The following GTPBP2 variants were observed in gnomAD, a reference collection of about 807,000 sequenced individuals.
GTPBP2 encodes the protein GTP-binding protein 2.
Under a neutral mutation model 63.0 loss-of-function variants are expected in GTPBP2, and 32 were observed. That is an observed-to-expected ratio of 0.51 (90% CI 0.38 to 0.68). The LOEUF is 0.68. GTPBP2 is among the 30% of genes least tolerant of loss of function. GTPBP2 has a pLI of 0.00. For missense variants in GTPBP2, 492 were observed against 796.9 expected (o/e 0.62, Z 4.61); for synonymous variants, 310 against 322.6 (o/e 0.96, Z 0.42).
Position 43,625,963 on chromosome 6 carries a change from C to T in GTPBP2, c.399-99G>A, listed in dbSNP as rs905415084. On this transcript the variant is annotated intron_variant, in intron 3 of 11. Coordinates refer to ENST00000307126, the MANE Select transcript of GTPBP2 (RefSeq NM_019096.5). The surrounding 1 kb of genome is among the most constrained non-coding windows in gnomAD (Gnocchi z 5.1). ...ACTTCCTGCACCTCCCACAGAGCTC[C>T]CAATACCTTAGTGCACTTCCTACCA... 2.2e-6 allele frequency: 2 copies of T among 919,552 alleles called. No homozygotes were observed. The highest frequency in any genetic ancestry group is 3.6e-6 in the Non-Finnish European group (2 of 559,020). 57.0% of individuals were successfully genotyped at this position (919,552 alleles called of 1,614,324 possible). A position where few individuals can be genotyped will look rare whatever the true frequency, so the allele number is the denominator to read the frequency against.
chr6:43,622,837 G>C lies in GTPBP2; in HGVS notation c.1296-33C>G. ...CCAGAGGGCAGGTGGCACAGTGTCA[G>C]CCAAGGTCCCCATACCTACTTCTCT... On this transcript the variant is annotated intron_variant, in intron 9 of 11. Coordinates refer to ENST00000307126, the MANE Select transcript of GTPBP2 (RefSeq NM_019096.5). This position sits in a 1 kb window ranked among gnomAD's most constrained non-coding sequence, Gnocchi z 5.4. 1 of 1,558,708 alleles carries C rather than the reference G, an allele frequency of 6.4e-7. No homozygotes were observed.
chr6:43,629,276 C>T, upstream of GTPBP2: 1 of 776,828 alleles, frequency 1.3e-6, no homozygotes, highest in Non-Finnish European at 1.9e-6. Context: ...GGGTGGGGCT[C>T]TGCACAAGCT....
chr6:43,622,611 C>T lies in GTPBP2; in HGVS notation c.1467+22G>A. The T allele has an allele frequency of 6.3e-7, 1 of 1,598,470 alleles. No homozygotes were observed. Among genetic ancestry groups the T allele is most frequent in the East Asian group, 2.3e-5 (1 of 44,434 alleles). On this transcript the variant is annotated intron_variant, in intron 10 of 11. Coordinates refer to ENST00000307126, the MANE Select transcript of GTPBP2 (RefSeq NM_019096.5). This position sits in a 1 kb window ranked among gnomAD's most constrained non-coding sequence, Gnocchi z 5.4. The stretch of plus-strand genomic sequence containing the variant: ...AGGCACTTCTCTTAGCGTTCCCTCC[C>T]CAACCCATGCACCCACCTCACCTTG...
chr6:43,624,625 T>A lies in GTPBP2; in HGVS notation c.985A>T (p.Thr329Ser). ...AGGACCCGCTCCAGCTGGCGTACTGTCCTCTCCACTGTGGTCTTGGCACAT... is the reference window on the plus strand; with the variant it reads ...AGGACCCGCTCCAGCTGGCGTACTGACCTCTCCACTGTGGTCTTGGCACAT... ...DLCAKTTVER[T>S]VRQLERVLKQ... is the part of the protein sequence containing the mutation. The change falls in exon 7 of 12, where the codon ACA becomes TCA. Residue 329 changes from threonine to serine, a missense_variant. By Grantham distance (58) the Thr-to-Ser change is moderately conservative. Transcript: ENST00000307126. The surrounding 1 kb of genome is among the most constrained non-coding windows in gnomAD (Gnocchi z 5.1). 6.2e-7 allele frequency: 1 copy of A among 1,614,116 alleles called. No homozygotes were observed.
In GTPBP2 at chr6:43,624,797, G is replaced by A; in HGVS notation, c.881-68C>T. The stretch of plus-strand genomic sequence containing the variant: ...ATGCAGGAGGGAGGAGAGGGAAGAA[G>A]AGGAGCATTGGTCTGTCTCCAAGAT... On this transcript the variant is annotated intron_variant, in intron 6 of 11. Coordinates refer to ENST00000307126, the MANE Select transcript of GTPBP2 (RefSeq NM_019096.5). This position sits in a 1 kb window ranked among gnomAD's most constrained non-coding sequence, Gnocchi z 5.1. 3 of 1,583,506 alleles carry A rather than the reference G, an allele frequency of 1.9e-6. No homozygotes were observed. The highest frequency in any genetic ancestry group is 2.6e-6 in the Non-Finnish European group (3 of 1,153,064).
In GTPBP2 at chr6:43,621,383, C is replaced by T; in HGVS notation, c.*231G>A. 2 of 1,508,598 alleles carry T rather than the reference C, an allele frequency of 1.3e-6. No homozygotes were observed. The highest frequency in any genetic ancestry group is 1.8e-6 in the Non-Finnish European group (2 of 1,118,940). The allele number at this position is 1,508,598 out of a possible 1,614,324, so 93.5% of individuals were successfully genotyped here. ...AGGTTTGATGAGCCAACCAGGTGAGCACACAGCTTCGGAGCACTGCCCTGA... is the reference window on the plus strand; with the variant it reads ...AGGTTTGATGAGCCAACCAGGTGAGTACACAGCTTCGGAGCACTGCCCTGA... On this transcript the variant is annotated 3_prime_UTR_variant, in exon 12 of 12. Coordinates refer to ENST00000307126, the MANE Select transcript of GTPBP2 (RefSeq NM_019096.5).
At chr6:43,628,498 G>A in intron 1 of GTPBP2, 1 of 866,602 alleles carries the variant, frequency 1.2e-6, no homozygotes, top group Non-Finnish European at 1.4e-6. Flanking sequence ...GTGTGTGTGT[G>A]TGTGTGTAGT....
chr6:43,624,466 C>T lies in GTPBP2; in HGVS notation c.1100+44G>A. 7.1e-7 allele frequency: 1 copy of T among 1,415,432 alleles called. No individual in the cohort carries two copies. The highest frequency in any genetic ancestry group is 1.1e-5 in the South Asian group (1 of 87,152). 87.7% of individuals were successfully genotyped at this position (1,415,432 alleles called of 1,614,324 possible). A position where few individuals can be genotyped will look rare whatever the true frequency, so the allele number is the denominator to read the frequency against. On this transcript the variant is annotated intron_variant, in intron 7 of 11. Coordinates refer to ENST00000307126, the MANE Select transcript of GTPBP2 (RefSeq NM_019096.5). The surrounding 1 kb of genome is among the most constrained non-coding windows in gnomAD (Gnocchi z 5.1). Reference sequence around the variant, plus strand: ...TGCTTCTGGGCCCTGGGCTCTGTGGCAGCCTTCCTAGTGGATCAGGGCTTT... The same window carrying T: ...TGCTTCTGGGCCCTGGGCTCTGTGGTAGCCTTCCTAGTGGATCAGGGCTTT...
intron 9 of GTPBP2, chr6:43,623,399 A>G (rs1281509099): frequency 3.6e-6 from 1 of 280,164 alleles, no homozygotes; most frequent in Non-Finnish European, 6.7e-6. Context: ...CAAAAAAAAG[A>G]AAGAAAGAAA....
rs370688697 is a variant in GTPBP2 at position 43,623,908 on chromosome 6, A to G, written c.1236+25T>C. 16 of 1,613,524 alleles carry G rather than the reference A, an allele frequency of 9.9e-6. No homozygotes were observed. In the African/African-American group the frequency reaches 1.5e-4, roughly 15 times the overall value. ...GCAGCCCCTCCCTGTTTCCCAGCCTATTAGATGTTTGGGCAGTCAACTACC... is the reference window on the plus strand; with the variant it reads ...GCAGCCCCTCCCTGTTTCCCAGCCTGTTAGATGTTTGGGCAGTCAACTACC... On this transcript the variant is annotated intron_variant, in intron 8 of 11. Transcript: ENST00000307126.
chr6:43,630,906 C>T (rs1227422708), upstream of GTPBP2, among the ~76,000 whole-genome samples: 1 of 88,862 alleles, frequency 1.1e-5, no homozygotes, highest in Non-Finnish European at 1.9e-5. Context: ...GAGACTTCGT[C>T]TCAAAAAAAA....
intron 1 of GTPBP2, among the ~76,000 whole-genome samples, chr6:43,628,114 A>G (rs1769534116): frequency 6.6e-6 from 1 of 152,256 alleles, no homozygotes; most frequent in African/African-American, 2.4e-5. Flanking sequence ...CTGCAATCCC[A>G]GCACTTTGGG....
upstream of GTPBP2, chr6:43,629,867 C>T (rs560591243): frequency 1.1e-5 from 16 of 1,406,752 alleles, 1 homozygote; most frequent in South Asian, 2.1e-4. Flanking sequence ...ATAGTAGTCA[C>T]TGCTTTATTA....
In GTPBP2 at chr6:43,626,299, T is replaced by G; in HGVS notation, c.325A>C (p.Asn109His). 1 of 1,614,208 alleles carries G rather than the reference T, an allele frequency of 6.2e-7. No homozygotes were observed. Among genetic ancestry groups the G allele is most frequent in the Non-Finnish European group, 8.5e-7 (1 of 1,180,024 alleles). Reference protein sequence around the residue: ...EAVYQIGVEDNGLLVGLAEEE... With the variant: ...EAVYQIGVEDHGLLVGLAEEE... ...TCAGCCAGCCCCACCAGCAGCCCAT[T>G]GTCCTCTACCCCAATCTGGTAGACG... Residue 109 changes from asparagine (N) to histidine (H), a missense_variant, in exon 3 of 12, where the codon AAT becomes CAT. Physicochemically the swap from Asn to His is moderately conservative, Grantham distance 68. Coordinates refer to ENST00000307126, the MANE Select transcript of GTPBP2 (RefSeq NM_019096.5). The surrounding 1 kb of genome is among the most constrained non-coding windows in gnomAD (Gnocchi z 4.0).
Position 43,621,355 on chromosome 6 carries a change from GC to G in GTPBP2, c.*258del. The stretch of plus-strand genomic sequence containing the variant: ...GCTCCGGCAGACAGGCCACAGGGTT[GC>G]CAGGTTTGATGAGCCAACCAGGTGA... On this transcript the variant is annotated 3_prime_UTR_variant, in exon 12 of 12. Coordinates refer to ENST00000307126, the MANE Select transcript of GTPBP2 (RefSeq NM_019096.5). 7.1e-7 allele frequency: 1 copy of G among 1,404,110 alleles called. No individual in the cohort carries two copies. 87.0% of individuals were successfully genotyped at this position (1,404,110 alleles called of 1,614,324 possible).
Position 43,625,897 on chromosome 6 carries a change from ACCTGT to A in GTPBP2, c.399-38_399-34del. The A allele has an allele frequency of 6.7e-7, 1 of 1,503,452 alleles. No individual in the cohort carries two copies. The highest frequency in any genetic ancestry group is 9.3e-7 in the Non-Finnish European group (1 of 1,079,302). The allele number at this position is 1,503,452 out of a possible 1,614,324, so 93.1% of individuals were successfully genotyped here. ...AGCAAGGCCACAGCTGCCATATCTCACCTGTCCTTCTCCTATTCCAGGCTCGCTCT... is the reference window on the plus strand; with the variant it reads ...AGCAAGGCCACAGCTGCCATATCTCACCTTCTCCTATTCCAGGCTCGCTCT... On this transcript the variant is annotated intron_variant, in intron 3 of 11. Coordinates refer to ENST00000307126, the MANE Select transcript of GTPBP2 (RefSeq NM_019096.5). The surrounding 1 kb of genome is among the most constrained non-coding windows in gnomAD (Gnocchi z 5.1).
Position 43,625,246 on chromosome 6 carries a change from G to T in GTPBP2, c.705+117C>A. On this transcript the variant is annotated intron_variant, in intron 5 of 11. Coordinates refer to ENST00000307126, the MANE Select transcript of GTPBP2 (RefSeq NM_019096.5). The surrounding 1 kb of genome is among the most constrained non-coding windows in gnomAD (Gnocchi z 5.1). ...CAGAGCTTGTTCACAGTCCCCTCAG[G>T]GCATTCATCTATACTATTTCAAAAA... 1 of 1,056,442 alleles carries T rather than the reference G, an allele frequency of 9.5e-7. No homozygotes were observed. The highest frequency in any genetic ancestry group is 1.4e-6 in the Non-Finnish European group (1 of 693,234). 65.4% of individuals were successfully genotyped at this position (1,056,442 alleles called of 1,614,324 possible). A position where few individuals can be genotyped will look rare whatever the true frequency, so the allele number is the denominator to read the frequency against.
In GTPBP2 at chr6:43,626,523, A is replaced by G. The variant is rs1769355867; in HGVS notation, c.214-113T>C. 1.3e-6 allele frequency: 1 copy of G among 761,254 alleles called. No homozygotes were observed. Among genetic ancestry groups the G allele is most frequent in the Admixed American group, 2.4e-5 (1 of 41,480 alleles). 47.2% of individuals were successfully genotyped at this position (761,254 alleles called of 1,614,324 possible). A position where few individuals can be genotyped will look rare whatever the true frequency, so the allele number is the denominator to read the frequency against. ...GGACTTTCTCTTTCCACTTAAACTCATACCTGATCCCCCTCCAACAGAACG... is the reference window on the plus strand; with the variant it reads ...GGACTTTCTCTTTCCACTTAAACTCGTACCTGATCCCCCTCCAACAGAACG... On this transcript the variant is annotated intron_variant, in intron 2 of 11. Coordinates refer to ENST00000307126, the MANE Select transcript of GTPBP2 (RefSeq NM_019096.5). The surrounding 1 kb of genome is among the most constrained non-coding windows in gnomAD (Gnocchi z 4.0).
Position 43,623,981 on chromosome 6 carries a change from G to A in GTPBP2, c.1188C>T (p.Thr396=), listed in dbSNP as rs1166815510. ...TGAGTTCCTCCTGCTCTTTGCTGTT[G>A]GTGAGTGGCGGCAGAATATTCAGAA... ...KVFLNILPPL[T]NSKEQEELMQ... is the part of the protein sequence containing the mutation. The change falls in exon 8 of 12, where the codon ACC becomes ACT. Residue 396 remains threonine, a synonymous_variant. Transcript: ENST00000307126. The A allele has an allele frequency of 6.2e-6, 10 of 1,614,028 alleles. No individual in the cohort carries two copies. In the South Asian group the frequency reaches 8.8e-5, roughly 14 times the overall value.
Sources: gnomAD v4.1 joint callset for allele counts (sites outside exome capture counted in the v4.1 genomes callset) on GRCh38, gnomAD v4.1.1 for gene constraint, Gnocchi (gnomAD v3.1) non-coding constraint, MANE v1.5 for transcripts, NCBI Gene and HGNC (gene_info 2026-07-23, HGNC 2026-07-21) for gene names.